RMDN3: variants seen among roughly 807,000 people sequenced by gnomAD.
The protein encoded by RMDN3 is regulator of microtubule dynamics protein 3.
RMDN3 carries 41 observed loss-of-function variants against 61.8 expected under a neutral mutation model. That is an observed-to-expected ratio of 0.66 (90% CI 0.52 to 0.86). The LOEUF (loss-of-function observed/expected upper bound fraction) is 0.86. Among genes scored for constraint, RMDN3 ranks in the 40% least tolerant of loss-of-function variants. The probability of loss-of-function intolerance (pLI) is 0.00; values close to 1 mark genes in which losing one functional copy is unlikely to be tolerated. For synonymous variants in RMDN3, 247 were observed against 232.0 expected, an observed-to-expected ratio of 1.06 and a Z score of -0.59; for missense variants, 557 against 585.3, an observed-to-expected ratio of 0.95 and a Z score of 0.50.
At chr15:40,737,054 T>G in intron 12 of RMDN3, 70 bp downstream of exon 12, 1 of 1,229,926 alleles carries the variant, frequency 8.1e-7, no homozygotes, top group South Asian at 1.2e-5. Flanking sequence ...GGTTTCTCCA[T>G]GTTGGTCAGG....
At chr15:40,752,291 C>T (rs1185783558) in intron 2 of RMDN3, 113 bp from the exon 3 acceptor site, 25 of 1,073,156 alleles carry the variant, frequency 2.3e-5, no homozygotes, top group East Asian at 1.8e-4. Context: ...GGCCCAGTGA[C>T]GCTCAGATAG....
At chr15:40,747,450 T>G (rs1428258091) in intron 4 of RMDN3, among the ~76,000 whole-genome samples, 2 of 152,164 alleles carry the variant, frequency 1.3e-5, no homozygotes. Flanking sequence ...AGCCCCACTT[T>G]AAGGAACCCT....
At position 40,737,718 on chromosome 15, in the gene RMDN3, G is replaced by A; in HGVS notation, c.1134C>T (p.His378=). Residue 378 remains histidine, a synonymous_variant, in exon 10 of 13, where the codon CAC becomes CAT. Coordinates refer to ENST00000338376, the MANE Select transcript of RMDN3 (RefSeq NM_018145.3). The part of the protein sequence containing the change: ...LLGRWCYQVS[H]LSWLEKKTAT... ...CAGTTTTTTTTTCTAGCCAGCTCAG[G>A]TGAGAGACCTGCCACAAAAAGATCA... 1 of 1,614,014 alleles carries A rather than the reference G, an allele frequency of 6.2e-7. No homozygotes were observed.
At chr15:40,746,941 C>T (rs1250944515) in intron 4 of RMDN3, among the ~76,000 whole-genome samples, 7 of 151,780 alleles carry the variant, frequency 4.6e-5, no homozygotes, top group African/African-American at 7.3e-5. Flanking sequence ...GATTTCGTAA[C>T]CAACCTGGGT....
Position 40,737,642 on chromosome 15 carries a change from G to C in RMDN3, c.1210C>G (p.Gln404Glu). Residue 404 changes from glutamine to glutamate, a missense_variant, in exon 10 of 13, where the codon CAG (glutamine) becomes GAG (glutamate). By Grantham distance (29) the Gln-to-Glu change is conservative. Coordinates refer to ENST00000338376, the MANE Select transcript of RMDN3 (RefSeq NM_018145.3). The stretch of plus-strand genomic sequence containing the variant: ...CCCTCTCATACCTTTAGGAAGCTCT[G>C]GAGGGCATCTTCCACAGTGGCACTG... Reference protein sequence around the residue: ...PLSATVEDALQSFLKAEELQP... With the variant: ...PLSATVEDALESFLKAEELQP... 1 of 1,613,956 alleles carries C rather than the reference G, an allele frequency of 6.2e-7. No individual in the cohort carries two copies. Among genetic ancestry groups the C allele is most frequent in the South Asian group, 1.1e-5 (1 of 91,066 alleles).
At chr15:40,745,412 CTTTTTTTT>C (rs376519039) in intron 4 of RMDN3, among the ~76,000 whole-genome samples, 153 bp from the exon 5 acceptor site, 2 of 130,316 alleles carry the variant, frequency 1.5e-5, no homozygotes, top group African/African-American at 2.9e-5. Context: ...GACTTTTTTT[CTTTTTTTT>C]TTTTTTTTTT....
At chr15:40,741,302 T>TC (rs1489062458) in intron 6 of RMDN3, among the ~76,000 whole-genome samples, 1 of 151,892 alleles carries the variant, frequency 6.6e-6, no homozygotes, top group Non-Finnish European at 1.5e-5. Flanking sequence ...GACCAAGAGT[T>TC]CAAGACCAAT....
intron 8 of RMDN3, 59 bp from the exon 9 acceptor site, chr15:40,738,101 C>A: frequency 6.4e-7 from 1 of 1,569,050 alleles, no homozygotes; most frequent in Non-Finnish European, 8.8e-7. Context: ...AAAAGAGAGG[C>A]AAGGGCCGGA....
At position 40,736,187 on chromosome 15, in the gene RMDN3, T is replaced by TATGTGCTTTGTTCCTATAGCTTTGA. The variant is rs1315149058; in HGVS notation, c.*329_*353dup. Reference sequence around the variant, plus strand: ...AGTGAAAAAGATTAAAGTGACAAGTTATGTGCTTTGTTCCTATAGCTTTGA... The same window carrying TATGTGCTTTGTTCCTATAGCTTTGA: ...AGTGAAAAAGATTAAAGTGACAAGTTATGTGCTTTGTTCCTATAGCTTTGAATGTGCTTTGTTCCTATAGCTTTGA... On this transcript the variant is annotated 3_prime_UTR_variant, in exon 13 of 13. Coordinates refer to ENST00000338376, the MANE Select transcript of RMDN3 (RefSeq NM_018145.3). 3.8e-6 allele frequency: 1 copy of TATGTGCTTTGTTCCTATAGCTTTGA among 261,848 alleles called. No homozygotes were observed. The highest frequency in any genetic ancestry group is 2.2e-5 in the African/African-American group (1 of 45,006). The allele number at this position is 261,848 out of a possible 1,614,324, so 16.2% of individuals were successfully genotyped here. A position where few individuals can be genotyped will look rare whatever the true frequency, so the allele number is the denominator to read the frequency against.
At chr15:40,747,628 T>TA (rs1446236057) in intron 4 of RMDN3, 1 of 149,678 alleles carries the variant, frequency 6.7e-6, no homozygotes, top group African/African-American at 2.5e-5. Flanking sequence ...CCTTTTAACA[T>TA]ACCCTGAGGC....
At chr15:40,746,777 G>A (rs1052733766) in intron 4 of RMDN3, among the ~76,000 whole-genome samples, 1 of 151,750 alleles carries the variant, frequency 6.6e-6, no homozygotes, top group African/African-American at 2.4e-5. Flanking sequence ...AGAGGCCCCA[G>A]ACACATCTAC....
intron 6 of RMDN3, among the ~76,000 whole-genome samples, chr15:40,740,406 G>C (rs1290787576): frequency 6.6e-6 from 1 of 152,198 alleles, no homozygotes; most frequent in Admixed American, 6.6e-5. Flanking sequence ...AGCACTTTGG[G>C]AGGCTGAGGC....
intron 4 of RMDN3, among the ~76,000 whole-genome samples, chr15:40,745,876 C>T (rs778922287): frequency 2.6e-5 from 4 of 152,202 alleles, no homozygotes; most frequent in Non-Finnish European, 4.4e-5. Context: ...CACACACATC[C>T]ACAAACTCGC....
chr15:40,737,500 C>T, intron 10 of RMDN3, 128 bp downstream of exon 10: 2 of 1,135,152 alleles, frequency 1.8e-6, no homozygotes, highest in Non-Finnish European at 2.6e-6. Context: ...TCTGGTTTTC[C>T]CATAGAACAG....
intron 5 of RMDN3, chr15:40,744,455 G>C (rs1303259697): frequency 1.3e-4 from 36 of 277,004 alleles, no homozygotes; most frequent in Non-Finnish European, 3.4e-5. Context: ...GTCTTTTGCT[G>C]ACACATGAAG....
rs778825235 is a variant in RMDN3, at chr15:40,738,517, C to T, written c.1031G>A (p.Ser344Asn). Residue 344 changes from serine to asparagine, a missense_variant, in exon 8 of 13, where the codon AGT becomes AAT. Transcript: ENST00000338376. ...TGTCCTCACCTTGAAGCTAAAGCCACTCTGGATGCGCCTCTGGATGCTCTC... is the reference window on the plus strand; with the variant it reads ...TGTCCTCACCTTGAAGCTAAAGCCATTCTGGATGCGCCTCTGGATGCTCTC... ...EHESIQRRIQ[S>N]GFSFKEHVDK... is the part of the protein sequence containing the mutation. 3.1e-6 allele frequency: 5 copies of T among 1,614,158 alleles called. No homozygotes were observed. In the African/African-American group the frequency reaches 4.0e-5, roughly 13 times the overall value.
chr15:40,740,754 C>T (rs1461335691), intron 6 of RMDN3, among the ~76,000 whole-genome samples: 1 of 152,072 alleles, frequency 6.6e-6, no homozygotes, highest in Non-Finnish European at 1.5e-5. Context: ...TTATAATGCC[C>T]ACCTGATGTG....
intron 6 of RMDN3, 95 bp downstream of exon 6, chr15:40,743,952 A>T: frequency 9.8e-7 from 1 of 1,016,340 alleles, no homozygotes; most frequent in Non-Finnish European, 1.4e-6. Flanking sequence ...AACTGCTGAC[A>T]GCATCTTGGT....
At chr15:40,737,398 A>T in intron 10 of RMDN3, 57 bp from the exon 11 acceptor site, 1 of 1,516,202 alleles carries the variant, frequency 6.6e-7, no homozygotes, top group Non-Finnish European at 9.2e-7. Context: ...AATCAGGCTG[A>T]AGTTTATTAA....
Sources: allele counts gnomAD v4.1 joint callset (sites outside exome capture counted in the v4.1 genomes callset), GRCh38; gene constraint gnomAD v4.1.1; transcripts MANE v1.5; gene names NCBI Gene and HGNC (gene_info 2026-07-23, HGNC 2026-07-21).